The following FAM178B variants were observed in gnomAD, a reference collection of about 807,000 sequenced individuals.
FAM178B encodes protein FAM178B.
Under a neutral mutation model 91.7 loss-of-function variants are expected in FAM178B, and 82 were observed. The observed-to-expected ratio is 0.89, with a 90% CI of 0.75 to 1.07. The LOEUF (loss-of-function observed/expected upper bound fraction) is 1.07. Among genes scored for constraint, FAM178B ranks in the 50% least tolerant of loss-of-function variants. The pLI is 0.00. For synonymous variants in FAM178B, 368 were observed against 359.4 expected (o/e 1.02, Z -0.27); for missense variants, 769 against 846.7 (o/e 0.91, Z 1.14).
rs1391226815 is a variant in FAM178B, at chr2:96,894,640, C to A, written c.1651-589G>T. Among the ~76,000 whole-genome samples, 8 of 90,768 alleles carry A rather than the reference C, an allele frequency of 8.8e-5. 1 individual carries two copies. The highest frequency in any genetic ancestry group is 1.4e-4 in the African/African-American group (3 of 21,788). The allele number at this position is 90,768 out of a possible 152,430, so 59.5% of individuals were successfully genotyped here. A position where few individuals can be genotyped will look rare whatever the true frequency, so the allele number is the denominator to read the frequency against. On this transcript the variant is annotated intron_variant, in intron 13 of 16. Transcript: ENST00000490605. ...CCCACTCACCCCCCCACAGACCCCCCACCCACAGATCCCCACCCACACCCC... is the reference window on the plus strand; with the variant it reads ...CCCACTCACCCCCCCACAGACCCCCAACCCACAGATCCCCACCCACACCCC...
At chr2:96,955,939 T>C (rs1032324931) in intron 6 of FAM178B, among the ~76,000 whole-genome samples, 1 of 152,168 alleles carries the variant, frequency 6.6e-6, no homozygotes, top group Non-Finnish European at 1.5e-5. Context: ...CTGAGCCTCA[T>C]CCACCTCCTT....
chr2:96,953,124 G>T (rs1054436853), intron 6 of FAM178B, among the ~76,000 whole-genome samples: 5 of 152,160 alleles, frequency 3.3e-5, no homozygotes, highest in Admixed American at 2.0e-4. Context: ...TGTTCCTGTG[G>T]TTGTGAAGTT....
intron 12 of FAM178B, 85 bp from the exon 13 acceptor site, chr2:96,902,792 C>T: frequency 1.0e-6 from 1 of 958,176 alleles, no homozygotes. Flanking sequence ...GGAGAGGGGA[C>T]TTTGGGGGAG....
chr2:96,933,234 C>T (rs1259355838), intron 8 of FAM178B, among the ~76,000 whole-genome samples: 1 of 151,996 alleles, frequency 6.6e-6, no homozygotes. Context: ...CAAAGCGAGA[C>T]TCCGTTTCAT....
chr2:96,954,974 C>T (rs749244926), intron 6 of FAM178B, among the ~76,000 whole-genome samples: 24 of 152,064 alleles, frequency 1.6e-4, no homozygotes, highest in Non-Finnish European at 2.8e-4. Flanking sequence ...CCTCTTGAGC[C>T]GGGAGTTGGA....
In FAM178B at chr2:96,895,814, C is replaced by T. The variant is rs117139923; in HGVS notation, c.1651-1763G>A. Among the ~76,000 whole-genome samples the T allele has an allele frequency of 3.5e-3, 529 of 152,344 alleles. 13 individuals are homozygous for T. In the East Asian group the frequency reaches 0.047, roughly 14 times the overall value. ...TAGCCTGGCTGGCACACCTGGCTTCCTCCGGTGACTCACCTACCACCTGCT... is the reference window on the plus strand; with the variant it reads ...TAGCCTGGCTGGCACACCTGGCTTCTTCCGGTGACTCACCTACCACCTGCT... On this transcript the variant is annotated intron_variant, in intron 13 of 16. Transcript: ENST00000490605.
chr2:96,919,508 G>C (rs1160730920), intron 12 of FAM178B, among the ~76,000 whole-genome samples: 1 of 152,234 alleles, frequency 6.6e-6, no homozygotes, highest in Non-Finnish European at 1.5e-5. Flanking sequence ...TGGCTGTCAC[G>C]GAGTTGGATT....
At chr2:96,977,747 T>C (rs1281494773) in intron 1 of FAM178B, 1 of 441,584 alleles carries the variant, frequency 2.3e-6, no homozygotes, top group Non-Finnish European at 4.6e-6. Context: ...TCAGTTTCTT[T>C]TCTGAGCACA....
chr2:96,929,031 A>G (rs1205393009), intron 9 of FAM178B, among the ~76,000 whole-genome samples, 175 bp downstream of exon 9: 1 of 152,032 alleles, frequency 6.6e-6, no homozygotes, highest in Non-Finnish European at 1.5e-5. Context: ...GGTGGTGCGT[A>G]CCTGTAGTCC....
chr2:96,962,875 A>G (rs2082100679), intron 5 of FAM178B, among the ~76,000 whole-genome samples: 1 of 152,074 alleles, frequency 6.6e-6, no homozygotes, highest in South Asian at 2.1e-4. Context: ...CACCCTAAGC[A>G]TCCCTTCCTG....
chr2:96,923,585 T>TC lies in FAM178B; in HGVS notation c.1194-3_1194-2insG, dbSNP rs2081382919. The stretch of plus-strand genomic sequence containing the variant: ...AGGCCAGCCTCGCCTGGAAGCACCC[T>TC]GTGGTAAGACAACAACAGTGACGAT... On this transcript the variant is annotated splice_region_variant and splice_polypyrimidine_tract_variant and intron_variant, in intron 9 of 16. Transcript: ENST00000490605. 1.3e-6 allele frequency: 2 copies of TC among 1,551,238 alleles called. No individual in the cohort carries two copies. The highest frequency in any genetic ancestry group is 1.7e-6 in the Non-Finnish European group (2 of 1,146,688).
intron 8 of FAM178B, among the ~76,000 whole-genome samples, chr2:96,945,175 A>G (rs969575816): frequency 2.0e-5 from 3 of 152,242 alleles, no homozygotes; most frequent in African/African-American, 7.2e-5. Flanking sequence ...GCAATGTGCC[A>G]GAGTATCCCT....
intron 14 of FAM178B, among the ~76,000 whole-genome samples, chr2:96,892,218 C>T (rs2080699956): frequency 6.6e-6 from 1 of 152,210 alleles, no homozygotes; most frequent in African/African-American, 2.4e-5. Flanking sequence ...GGGACAGAAC[C>T]CAGCCCAGGG....
At chr2:96,955,369 AGTGTGGTGGTGGGCGCCT>A (rs1285734047) in intron 6 of FAM178B, among the ~76,000 whole-genome samples, 2 of 152,042 alleles carry the variant, frequency 1.3e-5, no homozygotes, top group Non-Finnish European at 2.9e-5. Flanking sequence ...AAATTAGCCA[AGTGTGGTGGTGGGCGCCT>A]GTAGGCCCAG....
At chr2:96,982,735 ATTTTTTTTTTTT>A (rs58540459) in intron 1 of FAM178B, among the ~76,000 whole-genome samples, 2 of 52,230 alleles carry the variant, frequency 3.8e-5, no homozygotes, top group Non-Finnish European at 7.1e-5. Flanking sequence ...TGCCCAGCTA[ATTTTTTTTTTTT>A]TTTTTTTTTT....
chr2:96,922,407 T>C (rs1443874153), intron 10 of FAM178B, among the ~76,000 whole-genome samples: 3 of 152,246 alleles, frequency 2.0e-5, no homozygotes, highest in Admixed American at 1.3e-4. Context: ...TGGAGTGCAG[T>C]GGCGCCATCT....
chr2:96,972,079 G>A lies in FAM178B; in HGVS notation c.386C>T (p.Ala129Val), dbSNP rs1428294741. 6.5e-7 allele frequency: 1 copy of A among 1,537,888 alleles called. No homozygotes were observed. Among genetic ancestry groups the A allele is most frequent in the Non-Finnish European group, 8.8e-7 (1 of 1,140,884 alleles). Residue 129 changes from alanine to valine, a missense_variant, in exon 3 of 17, where the codon GCC (alanine) becomes GTC (valine). Coordinates refer to ENST00000490605, the MANE Select transcript of FAM178B (RefSeq NM_001122646.3). ...NPRVLQASRE[A>V]PAQRWVGVVG... ...CACACCCACCCACCTCTGGGCCGGG[G>A]CCTCCCGACTGGCCTGCAGCACCCT... is the stretch of plus-strand genomic sequence containing the variant.
At chr2:96,981,740 CAAAAAAA>C (rs377081384) in intron 1 of FAM178B, among the ~76,000 whole-genome samples, 5 of 18,720 alleles carry the variant, frequency 2.7e-4, no homozygotes, top group East Asian at 2.1e-3. Context: ...GACTCCGTCT[CAAAAAAA>C]AAAAAAAAAA....
chr2:96,951,467 T>C lies in FAM178B; in HGVS notation c.905A>G (p.Gln302Arg). Residue 302 changes from glutamine to arginine, a missense_variant, in exon 7 of 17, where the codon CAG becomes CGG. Transcript: ENST00000490605. The stretch of plus-strand genomic sequence containing the variant: ...GAGGCCACTGCGCAGGAAGGAGAGC[T>C]GTTGGGCTGGCGGGGAGCTGGGAGG... ...GLFLSSPPAQ[Q>R]LSFLRSGLLN... 6.4e-7 allele frequency: 1 copy of C among 1,550,652 alleles called. No individual in the cohort carries two copies.
Sources: allele counts gnomAD v4.1 joint callset (sites outside exome capture counted in the v4.1 genomes callset), GRCh38; gene constraint gnomAD v4.1.1; transcripts MANE v1.5; gene names NCBI Gene and HGNC (gene_info 2026-07-23, HGNC 2026-07-21).